The following RNF17 variants were observed in gnomAD, a reference collection of about 807,000 sequenced individuals.
The protein encoded by RNF17 is spermatogenesis associated 23.
Under a neutral mutation model 200.5 loss-of-function variants are expected in RNF17, and 31 were observed. That is an observed-to-expected ratio of 0.15 (90% CI 0.12 to 0.21). The LOEUF (loss-of-function observed/expected upper bound fraction) is 0.21, where lower values mean the gene tolerates loss of function less well. Among genes scored for constraint, RNF17 ranks in the 10% least tolerant of loss-of-function variants. The pLI is 1.00. For missense variants in RNF17, 1,628 were observed against 1,905.1 expected (o/e 0.85, Z 2.71); for synonymous variants, 606 against 637.8 (o/e 0.95, Z 0.75).
At chr13:24,764,545 C>G (rs1336654569) in intron 1 of RNF17, among the ~76,000 whole-genome samples, 1 of 152,254 alleles carries the variant, frequency 6.6e-6, no homozygotes, top group Non-Finnish European at 1.5e-5. Context: ...TCACGGCTTT[C>G]TCCAATTACC....
In RNF17 at chr13:24,840,963, G is replaced by A. The variant is rs539976964; in HGVS notation, c.2483-1078G>A. Among the ~76,000 whole-genome samples, 4 of 152,248 alleles carry A rather than the reference G, an allele frequency of 2.6e-5. No homozygotes were observed. The South Asian group carries it at 6.2e-4, about 24-fold the overall frequency. On this transcript the variant is annotated intron_variant, in intron 18 of 35. Transcript: ENST00000255324. Reference sequence around the variant, plus strand: ...TGGTTAATATAGAATGTTGCTGTTGGTAATGGTTAGCTTTTTATTTAGAAT... The same window carrying A: ...TGGTTAATATAGAATGTTGCTGTTGATAATGGTTAGCTTTTTATTTAGAAT...
intron 18 of RNF17, among the ~76,000 whole-genome samples, chr13:24,839,505 A>G (rs1320573330): frequency 6.6e-6 from 1 of 152,218 alleles, no homozygotes; most frequent in East Asian, 1.9e-4. Context: ...CCAGTCACCA[A>G]AACAGTGTGG....
chr13:24,783,448 T>C (rs1882700002), intron 6 of RNF17, among the ~76,000 whole-genome samples: 1 of 152,182 alleles, frequency 6.6e-6, no homozygotes, highest in African/African-American at 2.4e-5. Flanking sequence ...TTGTTAGGGA[T>C]TGCATTGAAT....
intron 15 of RNF17, among the ~76,000 whole-genome samples, chr13:24,812,928 C>T (rs952909244): frequency 3.3e-5 from 5 of 151,936 alleles, no homozygotes; most frequent in African/African-American, 7.3e-5. Flanking sequence ...GTGATCCACC[C>T]GCCTCGACCT....
rs765195613 is a variant in RNF17, at chr13:24,802,355, C to T, written c.1759-26C>T. On this transcript the variant is annotated intron_variant, in intron 13 of 35. Coordinates refer to ENST00000255324, the MANE Select transcript of RNF17 (RefSeq NM_031277.3). ...CATTAGCGATACTTACAATTAATTA[C>T]TATGGAATTTTACTTTCTTGCACAG... 4.5e-6 allele frequency: 7 copies of T among 1,567,838 alleles called. No individual in the cohort carries two copies. In the East Asian group the frequency reaches 1.6e-4, roughly 35 times the overall value.
chr13:24,748,018 C>T, the RNF17 span, among the ~76,000 whole-genome samples: 2 of 152,254 alleles, frequency 1.3e-5, no homozygotes, highest in Non-Finnish European at 2.9e-5. Context: ...GGCTGCTGGA[C>T]TTCCCTCCCG....
At chr13:24,783,458 T>C (rs1181237607) in intron 6 of RNF17, among the ~76,000 whole-genome samples, 1 of 152,198 alleles carries the variant, frequency 6.6e-6, no homozygotes, top group Non-Finnish European at 1.5e-5. Flanking sequence ...TTGCATTGAA[T>C]TGTAGATCAC....
chr13:24,885,511 T>C, the RNF17 span: 4 of 1,217,192 alleles, frequency 3.3e-6, no homozygotes, highest in Admixed American at 1.7e-5. Flanking sequence ...AAAAACTCTT[T>C]TTTACACGTG....
chr13:24,821,386 TA>T (rs1490525297), intron 15 of RNF17, among the ~76,000 whole-genome samples: 1 of 152,216 alleles, frequency 6.6e-6, no homozygotes, highest in Admixed American at 6.5e-5. Context: ...CTTGGATTTG[TA>T]GGTTCATGTC....
chr13:24,774,619 C>T lies in RNF17; in HGVS notation c.226-194C>T, dbSNP rs189801956. On this transcript the variant is annotated intron_variant, in intron 2 of 35. Transcript: ENST00000255324. Reference sequence around the variant, plus strand: ...AAAATTAATTAATAGTTGCCAAATTCGTGATTGCTTCCAAAAATTAAAGTG... The same window carrying T: ...AAAATTAATTAATAGTTGCCAAATTTGTGATTGCTTCCAAAAATTAAAGTG... Among the ~76,000 whole-genome samples, 162 of 152,284 alleles carry T rather than the reference C, an allele frequency of 1.1e-3. 1 individual carries two copies. Among genetic ancestry groups the T allele is most frequent in the Non-Finnish European group, 1.7e-3 (118 of 68,018 alleles).
intron 31 of RNF17, among the ~76,000 whole-genome samples, chr13:24,870,032 C>G (rs1004877895): frequency 1.4e-5 from 2 of 147,910 alleles, no homozygotes; most frequent in African/African-American, 5.0e-5. Flanking sequence ...AGCTCCACTT[C>G]CCGGGTTCAC....
Position 24,804,329 on chromosome 13 carries a change from C to T in RNF17, c.1991C>T (p.Thr664Ile). Residue 664 changes from threonine to isoleucine, a missense_variant, in exon 15 of 36, where the codon ACT becomes ATT. This residue lies in a region of RNF17 where 289 missense variants were observed against 384.9 expected (regional missense o/e 0.75). Transcript: ENST00000255324. ...CTAAGAAGTCACTTTGAAAAAAATA[C>T]TACTTTACACTATCATCCACCTATT... ...QSLRSHFEKNTTLHYHPPILP... is the reference protein window; with the variant it reads ...QSLRSHFEKNITLHYHPPILP... 3.1e-6 allele frequency: 5 copies of T among 1,611,896 alleles called. No individual in the cohort carries two copies. The highest frequency in any genetic ancestry group is 4.2e-6 in the Non-Finnish European group (5 of 1,178,106).
intron 15 of RNF17, 80 bp downstream of exon 15, chr13:24,804,509 C>A: frequency 2.7e-6 from 3 of 1,123,088 alleles, no homozygotes; most frequent in Non-Finnish European, 3.8e-6. Flanking sequence ...GAGTATCTAC[C>A]GTCAATTTTA....
At chr13:24,884,021 A>ATAAG (rs2138526942), downstream of RNF17, 1 of 1,614,130 alleles carries the variant, frequency 6.2e-7, no homozygotes, top group African/African-American at 1.3e-5. Flanking sequence ...CCATCAGGAA[A>ATAAG]TAAGTTTTTA....
intron 19 of RNF17, among the ~76,000 whole-genome samples, chr13:24,843,395 A>C (rs925998742): frequency 1.3e-5 from 2 of 152,020 alleles, no homozygotes; most frequent in South Asian, 4.1e-4. Context: ...GCAGGTGCCT[A>C]TAATCCCAGC....
chr13:24,878,832 G>A (rs1895136818), intron 34 of RNF17, among the ~76,000 whole-genome samples: 1 of 151,702 alleles, frequency 6.6e-6, no homozygotes. Context: ...AGCCATTGAG[G>A]CATCCCTCAA....
At chr13:24,807,376 G>T (rs1219425932) in intron 15 of RNF17, among the ~76,000 whole-genome samples, 1 of 151,606 alleles carries the variant, frequency 6.6e-6, no homozygotes, top group Non-Finnish European at 1.5e-5. Flanking sequence ...TTGTGGTTTT[G>T]ATTTGCATTT....
At chr13:24,829,140 A>G (rs1416691078) in intron 16 of RNF17, among the ~76,000 whole-genome samples, 2 of 151,964 alleles carry the variant, frequency 1.3e-5, no homozygotes, top group East Asian at 1.9e-4. Flanking sequence ...GCCTTACTAC[A>G]CATTTTTTAT....
chr13:24,819,536 TA>T (rs1887786944), intron 15 of RNF17, among the ~76,000 whole-genome samples: 1 of 152,204 alleles, frequency 6.6e-6, no homozygotes, highest in African/African-American at 2.4e-5. Flanking sequence ...TCTTGTAGAT[TA>T]TTTTTTATCA....
Sources: gnomAD v4.1 joint callset for allele counts (sites outside exome capture counted in the v4.1 genomes callset) on GRCh38, gnomAD v4.1.1 for gene constraint, gnomAD v4.1.1 regional missense constraint, MANE v1.5 for transcripts, NCBI Gene and HGNC (gene_info 2026-07-23, HGNC 2026-07-21) for gene names.